Variants in SGCD observed in about 807,000 individuals in gnomAD.
SGCD encodes the protein delta-sarcoglycan.
In SGCD, 18 loss-of-function variants were observed where a neutral mutation model predicts 36.6. The observed-to-expected ratio is 0.49, with a 90% CI of 0.34 to 0.73. The LOEUF is 0.73. SGCD is among the 30% of genes least tolerant of loss of function. The pLI is 0.01. For synonymous variants in SGCD, 133 were observed against 130.6 expected (o/e 1.02, Z -0.12); for missense variants, 387 against 346.7 (o/e 1.12, Z -0.92).
chr5:156,339,826 T>A (rs1768552772), intron 2 of SGCD, among the ~76,000 whole-genome samples: 1 of 152,190 alleles, frequency 6.6e-6, no homozygotes, highest in Non-Finnish European at 1.5e-5. Context: ...AATTATTAAT[T>A]TTTAAAAGAT....
At chr5:156,142,440 A>C (rs910983520) in intron 3 of SGCD, among the ~76,000 whole-genome samples, 9 of 152,232 alleles carry the variant, frequency 5.9e-5, no homozygotes, top group African/African-American at 1.9e-4. Context: ...AATGGGCAGG[A>C]GTTGGAACAA....
intron 3 of SGCD, among the ~76,000 whole-genome samples, chr5:156,494,529 T>G (rs748247496): frequency 2.0e-5 from 3 of 152,070 alleles, no homozygotes; most frequent in African/African-American, 4.8e-5. Flanking sequence ...TACTAGAAAG[T>G]TATTTTTGGA....
At chr5:156,589,023 T>TGTGC (rs914922294) in intron 4 of SGCD, among the ~76,000 whole-genome samples, 1 of 151,406 alleles carries the variant, frequency 6.6e-6, no homozygotes, top group Non-Finnish European at 1.5e-5. Flanking sequence ...TGTGTGTGTG[T>TGTGC]GCATTTCTTT....
At chr5:155,876,095 T>A (rs1048412557) in intron 1 of SGCD, among the ~76,000 whole-genome samples, 1 of 151,234 alleles carries the variant, frequency 6.6e-6, no homozygotes, top group Non-Finnish European at 1.5e-5. Context: ...CATGTGCACA[T>A]TGTGCAGGTT....
intron 3 of SGCD, among the ~76,000 whole-genome samples, chr5:156,155,613 G>GAAAA (rs56154305): frequency 2.3e-5 from 3 of 131,168 alleles, no homozygotes; most frequent in Admixed American, 7.6e-5. Context: ...CGTGGGCTAG[G>GAAAA]AAAAAAAAAA....
chr5:156,344,779 T>A (rs1219009678), intron 3 of SGCD, 102 bp downstream of exon 3: 9 of 830,956 alleles, frequency 1.1e-5, no homozygotes, highest in Admixed American at 3.0e-5. Flanking sequence ...ACAGTAGGAC[T>A]CAAAAAATCT....
intron 1 of SGCD, among the ~76,000 whole-genome samples, chr5:156,013,499 C>T (rs1273265931): frequency 1.3e-5 from 2 of 152,080 alleles, no homozygotes; most frequent in Admixed American, 6.5e-5. Context: ...TCCCTGTGCC[C>T]TTCTGAACAG....
chr5:156,029,407 C>T (rs1018336251), intron 1 of SGCD, among the ~76,000 whole-genome samples: 2 of 152,136 alleles, frequency 1.3e-5, no homozygotes, highest in South Asian at 4.1e-4. Context: ...TCTTGTCATC[C>T]ATCCATTCAT....
intron 7 of SGCD, among the ~76,000 whole-genome samples, chr5:156,717,565 G>A (rs973236706): frequency 1.3e-5 from 2 of 152,112 alleles, no homozygotes; most frequent in Non-Finnish European, 2.9e-5. Context: ...CCTCTTGCAG[G>A]GTTGGTGAAT....
intron 3 of SGCD, among the ~76,000 whole-genome samples, chr5:156,162,213 G>A (rs1283278463): frequency 6.6e-6 from 1 of 151,474 alleles, no homozygotes; most frequent in East Asian, 1.9e-4. Flanking sequence ...AATAAACACA[G>A]ATTCCTTCCT....
chr5:156,285,563 A>G lies in SGCD; in HGVS notation c.-43-43971A>G, dbSNP rs1364841654. On this transcript the variant is annotated intron_variant, in intron 3 of 9. Coordinates refer to the SGCD transcript ENST00000517913. ...ATATTTGACAAACCTGACAAAAACA[A>G]GCAATGGAGAAAGGATTCCATATTT... Among the ~76,000 whole-genome samples, 4 of 152,240 alleles carry G rather than the reference A, an allele frequency of 2.6e-5. No homozygotes were observed. The East Asian group carries it at 7.7e-4, about 29-fold the overall frequency.
At chr5:155,947,500 G>C (rs1259960181) in intron 1 of SGCD, among the ~76,000 whole-genome samples, 1 of 152,008 alleles carries the variant, frequency 6.6e-6, no homozygotes, top group Non-Finnish European at 1.5e-5. Flanking sequence ...AAATACCATG[G>C]TTTTTGGACC....
chr5:156,678,911 C>A (rs531974217), intron 7 of SGCD, among the ~76,000 whole-genome samples: 105 of 152,274 alleles, frequency 6.9e-4, no homozygotes, highest in Non-Finnish European at 1.1e-3. Flanking sequence ...GTTGATTACA[C>A]CCCTGGATAA....
intron 3 of SGCD, among the ~76,000 whole-genome samples, chr5:156,470,690 A>G (rs1754922516): frequency 6.6e-6 from 1 of 152,158 alleles, no homozygotes; most frequent in Non-Finnish European, 1.5e-5. Flanking sequence ...TGCTAATACA[A>G]GTTTGTACTG....
intron 1 of SGCD, among the ~76,000 whole-genome samples, chr5:155,998,973 C>T (rs1056193858): frequency 1.5e-4 from 23 of 152,266 alleles, no homozygotes; most frequent in African/African-American, 4.8e-4. Context: ...TTTATTGGCT[C>T]CAGGGAAACC....
intron 1 of SGCD, among the ~76,000 whole-genome samples, chr5:155,931,537 TG>T (rs1268871714): frequency 1.3e-5 from 2 of 152,202 alleles, no homozygotes; most frequent in African/African-American, 2.4e-5. Context: ...TGGGGTTTTT[TG>T]TTTTTTAAGT....
intron 1 of SGCD, among the ~76,000 whole-genome samples, chr5:155,946,756 G>A (rs1347820765): frequency 1.3e-5 from 2 of 152,198 alleles, no homozygotes; most frequent in Admixed American, 1.3e-4. Context: ...ATGTGTGGCT[G>A]ACCAAACCAG....
At chr5:155,843,573 G>C in the SGCD span, among the ~76,000 whole-genome samples, 1 of 152,212 alleles carries the variant, frequency 6.6e-6, no homozygotes, top group South Asian at 2.1e-4. Context: ...TGTATATACA[G>C]TCGAAGGCTC....
At chr5:155,877,469 C>T (rs547980628) in intron 1 of SGCD, among the ~76,000 whole-genome samples, 2 of 152,138 alleles carry the variant, frequency 1.3e-5, no homozygotes, top group Non-Finnish European at 2.9e-5. Flanking sequence ...CCCTGTGCCT[C>T]ATTTTCCTCA....
Sources: gnomAD v4.1 joint callset for allele counts (sites outside exome capture counted in the v4.1 genomes callset) on GRCh38, gnomAD v4.1.1 for gene constraint, MANE v1.5 for transcripts, NCBI Gene and HGNC (gene_info 2026-07-23, HGNC 2026-07-21) for gene names.